The following CACNA2D3 variants were observed in gnomAD, a reference collection of about 807,000 sequenced individuals.
CACNA2D3 encodes voltage-dependent calcium channel subunit alpha-2/delta-3.
CACNA2D3 carries 60 observed loss-of-function variants against 160.6 expected under a neutral mutation model. That is an observed-to-expected ratio of 0.37 (90% CI 0.30 to 0.46). CACNA2D3 has a LOEUF of 0.46. CACNA2D3 is among the 20% of genes least tolerant of loss of function. The pLI, the probability that CACNA2D3 is intolerant of heterozygous loss-of-function variation, is 1.00. For missense variants in CACNA2D3, 1,205 were observed against 1,365.0 expected (o/e 0.88, Z 1.85); for synonymous variants, 558 against 492.9 (o/e 1.13, Z -1.75).
chr3:54,921,381 G>T (rs920280104), intron 27 of CACNA2D3, among the ~76,000 whole-genome samples: 1 of 152,120 alleles, frequency 6.6e-6, no homozygotes, highest in African/African-American at 2.4e-5. Context: ...CAAGTATTTA[G>T]CATAATACCT....
At chr3:54,127,070 ATCC>A (rs1699609185) in intron 2 of CACNA2D3, among the ~76,000 whole-genome samples, 1 of 152,196 alleles carries the variant, frequency 6.6e-6, no homozygotes, top group Non-Finnish European at 1.5e-5. Context: ...TTCTCATTTC[ATCC>A]TCCTCAGGGA....
At chr3:54,492,490 C>A (rs1701126273) in intron 4 of CACNA2D3, among the ~76,000 whole-genome samples, 2 of 152,142 alleles carry the variant, frequency 1.3e-5, no homozygotes, top group African/African-American at 4.8e-5. Context: ...TCTTCCTCAC[C>A]CTCTGAGCAG....
intron 13 of CACNA2D3, among the ~76,000 whole-genome samples, chr3:54,801,900 A>G (rs1702996930): frequency 6.6e-6 from 1 of 152,232 alleles, no homozygotes; most frequent in Non-Finnish European, 1.5e-5. Flanking sequence ...CCAATTTCAT[A>G]AAAGCAAGAA....
intron 5 of CACNA2D3, among the ~76,000 whole-genome samples, chr3:54,529,434 G>A (rs1279609533): frequency 6.6e-6 from 1 of 152,212 alleles, no homozygotes; most frequent in Non-Finnish European, 1.5e-5. Flanking sequence ...CTGTGCTACA[G>A]CCATTAAGAA....
intron 4 of CACNA2D3, among the ~76,000 whole-genome samples, chr3:54,390,557 C>T (rs1699261755): frequency 6.6e-6 from 1 of 152,188 alleles, no homozygotes; most frequent in South Asian, 2.1e-4. Context: ...TATGACAATG[C>T]CATTCACACT....
chr3:54,413,186 T>G (rs1447594892), intron 4 of CACNA2D3, among the ~76,000 whole-genome samples: 1 of 151,688 alleles, frequency 6.6e-6, no homozygotes, highest in African/African-American at 2.4e-5. Context: ...AGCTAATTCT[T>G]TTTCTTTTAG....
At chr3:54,631,237 A>ACACACACAC (rs1331823103) in intron 10 of CACNA2D3, among the ~76,000 whole-genome samples, 1 of 96,984 alleles carries the variant, frequency 1.0e-5, no homozygotes, top group Non-Finnish European at 2.2e-5. Flanking sequence ...CACACACACA[A>ACACACACAC]AGATAAATGT....
In CACNA2D3 at chr3:54,641,639, C is replaced by G. The variant is rs1417538622; in HGVS notation, c.1054-489C>G. Among the ~76,000 whole-genome samples, 4 of 152,076 alleles carry G rather than the reference C, an allele frequency of 2.6e-5. No individual in the cohort carries two copies. In the East Asian group the frequency reaches 7.7e-4, roughly 29 times the overall value. ...ATAAATATATTTTGGAGTAAAATACCTTGATTTCCTTCAGGGCCTACTATC... is the reference window on the plus strand; with the variant it reads ...ATAAATATATTTTGGAGTAAAATACGTTGATTTCCTTCAGGGCCTACTATC... On this transcript the variant is annotated intron_variant, in intron 10 of 37. Coordinates refer to ENST00000474759, the MANE Select transcript of CACNA2D3 (RefSeq NM_018398.3).
intron 2 of CACNA2D3, among the ~76,000 whole-genome samples, chr3:54,232,000 C>T (rs1305781774): frequency 6.6e-6 from 1 of 152,200 alleles, no homozygotes; most frequent in Non-Finnish European, 1.5e-5. Context: ...CTCTGGAGTC[C>T]ATTGTCTCGT....
chr3:54,418,444 A>G (rs1421897703), intron 4 of CACNA2D3, among the ~76,000 whole-genome samples: 3 of 152,306 alleles, frequency 2.0e-5, no homozygotes, highest in Non-Finnish European at 4.4e-5. Context: ...ATTATAGCTT[A>G]AAGGCGATAT....
At chr3:55,064,975 T>G (rs1704602321) in intron 35 of CACNA2D3, among the ~76,000 whole-genome samples, 1 of 152,208 alleles carries the variant, frequency 6.6e-6, no homozygotes, top group Admixed American at 6.5e-5. Context: ...TTTCTCTGAT[T>G]TAATTGCATA....
At chr3:54,744,137 T>A (rs764105939) in intron 11 of CACNA2D3, among the ~76,000 whole-genome samples, 1 of 152,174 alleles carries the variant, frequency 6.6e-6, no homozygotes, top group African/African-American at 2.4e-5. Flanking sequence ...TCACTTCTGA[T>A]ATGACTATTC....
chr3:55,052,952 A>G (rs1198519108), intron 35 of CACNA2D3, among the ~76,000 whole-genome samples: 2 of 152,180 alleles, frequency 1.3e-5, no homozygotes, highest in East Asian at 3.9e-4. Context: ...CTACCTTTTA[A>G]TTGGTACATT....
chr3:54,349,036 CT>C (rs1698506966), intron 3 of CACNA2D3, among the ~76,000 whole-genome samples: 1 of 152,142 alleles, frequency 6.6e-6, no homozygotes, highest in Admixed American at 6.6e-5. Flanking sequence ...CCGACTGTTA[CT>C]TTTTTGATTA....
chr3:54,517,484 G>T (rs758032617), intron 5 of CACNA2D3, among the ~76,000 whole-genome samples: 4 of 152,144 alleles, frequency 2.6e-5, no homozygotes, highest in East Asian at 1.9e-4. Flanking sequence ...AGGGCCTCTT[G>T]TCCACCCCAG....
intron 4 of CACNA2D3, among the ~76,000 whole-genome samples, chr3:54,437,598 A>AGTCAC (rs1286834496): frequency 6.6e-6 from 1 of 152,216 alleles, no homozygotes; most frequent in Non-Finnish European, 1.5e-5. Context: ...CGATATTGCC[A>AGTCAC]GTCACTCCTC....
At chr3:54,139,764 A>AT (rs1273288786) in intron 2 of CACNA2D3, among the ~76,000 whole-genome samples, 8 of 152,244 alleles carry the variant, frequency 5.3e-5, no homozygotes, top group African/African-American at 1.7e-4. Context: ...ATAAAAAAAA[A>AT]GCCAGCATTC....
chr3:54,832,317 C>A (rs1703898938), intron 14 of CACNA2D3, among the ~76,000 whole-genome samples: 1 of 152,176 alleles, frequency 6.6e-6, no homozygotes, highest in South Asian at 2.1e-4. Context: ...CTGGTTAACA[C>A]AGCCTGGGTT....
chr3:54,407,200 G>A (rs952735925), intron 4 of CACNA2D3, among the ~76,000 whole-genome samples: 3 of 152,060 alleles, frequency 2.0e-5, no homozygotes, highest in Admixed American at 6.6e-5. Context: ...GCTGTGGGGC[G>A]ATGGGAAAAA....
Sources: gnomAD v4.1 joint callset for allele counts (sites outside exome capture counted in the v4.1 genomes callset) on GRCh38, gnomAD v4.1.1 for gene constraint, MANE v1.5 for transcripts, NCBI Gene and HGNC (gene_info 2026-07-23, HGNC 2026-07-21) for gene names.